NOL4L: variants seen among roughly 807,000 people sequenced by gnomAD.
NOL4L encodes nucleolar protein 4 like.
Under a neutral mutation model 64.5 loss-of-function variants are expected in NOL4L, and 7 were observed. That is an observed-to-expected ratio of 0.11 (90% CI 0.06 to 0.20). The LOEUF is 0.20. Among genes scored for constraint, NOL4L ranks in the 10% least tolerant of loss-of-function variants. The pLI, the probability that NOL4L is intolerant of heterozygous loss-of-function variation, is 1.00. For missense variants in NOL4L, 680 were observed against 967.1 expected (o/e 0.70, Z 3.94); for synonymous variants, 413 against 401.0 (o/e 1.03, Z -0.36).
chr20:32,501,854 C>T (rs1243885360), intron 4 of NOL4L, among the ~76,000 whole-genome samples: 1 of 151,994 alleles, frequency 6.6e-6, no homozygotes, highest in Non-Finnish European at 1.5e-5. Context: ...AGAGAGAGAG[C>T]TACGGATGGG....
chr20:32,479,976 G>C (rs543742225), intron 4 of NOL4L, among the ~76,000 whole-genome samples: 1 of 152,292 alleles, frequency 6.6e-6, no homozygotes, highest in Admixed American at 6.5e-5. Flanking sequence ...TTCCTCTTCT[G>C]CATGGTAACT....
rs2014396878 is a variant in NOL4L at position 32,464,739 on chromosome 20, T to C, written c.842-8344A>G. 3 of 321,676 alleles carry C rather than the reference T, an allele frequency of 9.3e-6. No homozygotes were observed. Among genetic ancestry groups the C allele is most frequent in the Non-Finnish European group, 1.7e-5 (3 of 177,956 alleles). 19.9% of individuals were successfully genotyped at this position (321,676 alleles called of 1,614,324 possible). A position where few individuals can be genotyped will look rare whatever the true frequency, so the allele number is the denominator to read the frequency against. On this transcript the variant is annotated intron_variant, in intron 5 of 10. Transcript: ENST00000621426. This position sits in a 1 kb window ranked among gnomAD's most constrained non-coding sequence, Gnocchi z 5.6. Reference sequence around the variant, plus strand: ...AGCCGCATGAGGGATTTGAGTGCCCTAGTACCCACATTTTAAAAAGTAATA... The same window carrying C: ...AGCCGCATGAGGGATTTGAGTGCCCCAGTACCCACATTTTAAAAAGTAATA...
At chr20:32,552,645 C>G (rs1252367235) in intron 1 of NOL4L, among the ~76,000 whole-genome samples, 4 of 151,728 alleles carry the variant, frequency 2.6e-5, no homozygotes, top group Admixed American at 1.3e-4. Flanking sequence ...CAAGATCATG[C>G]CACTGCACTC....
intron 5 of NOL4L, among the ~76,000 whole-genome samples, chr20:32,458,957 C>G (rs898080134): frequency 6.6e-6 from 1 of 152,234 alleles, no homozygotes; most frequent in Non-Finnish European, 1.5e-5. Context: ...GTCAGATGCC[C>G]GGCACGGGGG....
chr20:32,456,800 C>T (rs2145437807), intron 5 of NOL4L, among the ~76,000 whole-genome samples: 1 of 152,348 alleles, frequency 6.6e-6, no homozygotes, highest in South Asian at 2.1e-4. Context: ...GCACCTCCCA[C>T]CCACCCTGCT....
At position 32,583,097 on chromosome 20, in the gene NOL4L, C is replaced by A. The variant is rs950415160; in HGVS notation, c.321+1473G>T. Among the ~76,000 whole-genome samples the A allele has an allele frequency of 2.6e-4, 39 of 152,218 alleles. 1 individual carries two copies. Among genetic ancestry groups the A allele is most frequent in the Admixed American group, 2.5e-3 (39 of 15,304 alleles). ...CGCCCCTCTGCCCGGCCCCCTGTTCCCGGTCCGGCCGGAGGCGGCAGCGGC... is the reference window on the plus strand; with the variant it reads ...CGCCCCTCTGCCCGGCCCCCTGTTCACGGTCCGGCCGGAGGCGGCAGCGGC... On this transcript the variant is annotated intron_variant, in intron 1 of 10. Coordinates refer to ENST00000621426, the MANE Select transcript of NOL4L (RefSeq NM_001256798.2).
intron 1 of NOL4L, among the ~76,000 whole-genome samples, chr20:32,559,497 T>G (rs1327343597): frequency 1.3e-5 from 2 of 152,236 alleles, no homozygotes; most frequent in African/African-American, 4.8e-5. Flanking sequence ...TGCCCAGAGT[T>G]ACTGGGAGCT....
intron 4 of NOL4L, among the ~76,000 whole-genome samples, chr20:32,491,505 A>T (rs946944335): frequency 3.9e-5 from 6 of 152,196 alleles, no homozygotes; most frequent in Non-Finnish European, 7.3e-5. Flanking sequence ...GAACTGGGCC[A>T]TTCGCTCTGA....
At chr20:32,552,202 AC>A (rs2145605746) in intron 1 of NOL4L, among the ~76,000 whole-genome samples, 1 of 152,328 alleles carries the variant, frequency 6.6e-6, no homozygotes, top group African/African-American at 2.4e-5. Flanking sequence ...TTTGTGTAAA[AC>A]TAGAAACAAA....
At chr20:32,456,747 C>G (rs1053298453) in intron 5 of NOL4L, among the ~76,000 whole-genome samples, 2 of 152,204 alleles carry the variant, frequency 1.3e-5, no homozygotes, top group African/African-American at 2.4e-5. Context: ...TGGAGGCCCT[C>G]GAAGCCCGGC....
intron 1 of NOL4L, among the ~76,000 whole-genome samples, chr20:32,528,633 A>C (rs2018230574): frequency 6.6e-6 from 1 of 151,986 alleles, no homozygotes; most frequent in South Asian, 2.1e-4. Flanking sequence ...CTTCAATAGC[A>C]AACAGCTGTG....
In NOL4L at chr20:32,452,957, A is replaced by C; in HGVS notation, c.1547T>G (p.Leu516Arg). The C allele has an allele frequency of 1.2e-6, 2 of 1,614,036 alleles. No individual in the cohort carries two copies. Among genetic ancestry groups the C allele is most frequent in the Non-Finnish European group, 1.7e-6 (2 of 1,180,020 alleles). ...TGTCTCGCTCTCACAGGCAGCTGCC[A>C]GGATGTTTTCTGCCATGGCCGAGGT... Reference protein sequence around the residue: ...HLTSAMAENILAAACESETRK... With the variant: ...HLTSAMAENIRAAACESETRK... Residue 516 changes from leucine (L) to arginine (R), a missense_variant, in exon 9 of 11, where the codon CTG (leucine) becomes CGG (arginine). Leu to Arg is a moderately radical substitution (Grantham distance 102). This residue lies in a region of NOL4L where 175 missense variants were observed against 227.0 expected (regional missense o/e 0.77). Coordinates refer to ENST00000621426, the MANE Select transcript of NOL4L (RefSeq NM_001256798.2).
At position 32,494,273 on chromosome 20, in the gene NOL4L, AAAAAAAAAAC is replaced by A. The variant is rs1435448929; in HGVS notation, c.699+17064_699+17073del. Among the ~76,000 whole-genome samples, 714 of 143,302 alleles carry A rather than the reference AAAAAAAAAAC, an allele frequency of 5.0e-3. 92 individuals are homozygous for A. The highest frequency in any genetic ancestry group is 0.037 in the Admixed American group (518 of 13,880). The allele number at this position is 143,302 out of a possible 152,430, so 94.0% of individuals were successfully genotyped here. On this transcript the variant is annotated intron_variant, in intron 4 of 10. Coordinates refer to ENST00000621426, the MANE Select transcript of NOL4L (RefSeq NM_001256798.2). ...CTCGGGAAAAAAAAAAAAAAAAAAA[AAAAAAAAAAC>A]ACACAACACACACACACACACAAAC...
rs763548078 is a variant in NOL4L, at chr20:32,453,639, A to ATGGTCATCG, written c.1233_1241dup (p.Asp412_His414dup). ...AGTCGTTCATCTTGTCATTGTCCTC[A>ATGGTCATCG]TGGTCATCGTGGTCATCGTCGTCAT... is the stretch of plus-strand genomic sequence containing the variant. On this transcript the variant is annotated inframe_insertion, in exon 7 of 11. Coordinates refer to ENST00000621426, the MANE Select transcript of NOL4L (RefSeq NM_001256798.2). This position sits in a 1 kb window ranked among gnomAD's most constrained non-coding sequence, Gnocchi z 5.6. The ATGGTCATCG allele has an allele frequency of 1.2e-6, 2 of 1,608,436 alleles. No homozygotes were observed. Among genetic ancestry groups the ATGGTCATCG allele is most frequent in the Non-Finnish European group, 1.7e-6 (2 of 1,177,558 alleles).
intron 5 of NOL4L, among the ~76,000 whole-genome samples, chr20:32,474,046 T>C (rs1190551944): frequency 6.6e-6 from 1 of 151,894 alleles, no homozygotes; most frequent in African/African-American, 2.4e-5. Flanking sequence ...GAGGCTGGAG[T>C]AGGCTGCCTG....
rs1389511738 is a variant in NOL4L, at chr20:32,462,915, A to AAAAAAAAAAAAAAAC, written c.842-6521_842-6520insGTTTTTTTTTTTTTT. On this transcript the variant is annotated intron_variant, in intron 5 of 10. Transcript: ENST00000621426. ...CGAGACTCTGTCTTAAAAAAAAAAA[A>AAAAAAAAAAAAAAAC]AAAAAAAACTGATTTAAAAGAGACA... Among the ~76,000 whole-genome samples, 263 of 150,440 alleles carry AAAAAAAAAAAAAAAC rather than the reference A, an allele frequency of 1.7e-3. 6 individuals are homozygous for AAAAAAAAAAAAAAAC. Among genetic ancestry groups the AAAAAAAAAAAAAAAC allele is most frequent in the Non-Finnish European group, 3.1e-3 (211 of 67,524 alleles).
chr20:32,532,759 C>T (rs2018389418), intron 1 of NOL4L, among the ~76,000 whole-genome samples: 1 of 152,180 alleles, frequency 6.6e-6, no homozygotes, highest in African/African-American at 2.4e-5. Context: ...AGTCTCCTGC[C>T]TATCCCAGCT....
At position 32,535,274 on chromosome 20, in the gene NOL4L, G is replaced by GAA. The variant is rs34876681; in HGVS notation, c.322-7363_322-7362dup. 9.0e-3 allele frequency among the ~76,000 whole-genome samples: 1,109 copies of GAA among 123,456 alleles called. 7 individuals are homozygous for GAA. The highest frequency in any genetic ancestry group is 0.016 in the Non-Finnish European group (891 of 55,848). The allele number at this position is 123,456 out of a possible 152,430, so 81.0% of individuals were successfully genotyped here. On this transcript the variant is annotated intron_variant, in intron 1 of 10. Coordinates refer to ENST00000621426, the MANE Select transcript of NOL4L (RefSeq NM_001256798.2). ...TACTACCTACTGGGGACTGGAAATTGAAAAAAAAAAAAAAACCCTCCAAAA... is the reference window on the plus strand; with the variant it reads ...TACTACCTACTGGGGACTGGAAATTGAAAAAAAAAAAAAAAAACCCTCCAAAA...
chr20:32,510,705 G>C (rs1041783559), intron 4 of NOL4L: 4 of 154,184 alleles, frequency 2.6e-5, no homozygotes, highest in African/African-American at 7.2e-5. Flanking sequence ...GCAGTGGTTG[G>C]GGGGTGGAGG....
Sources: allele counts gnomAD v4.1 joint callset (sites outside exome capture counted in the v4.1 genomes callset), GRCh38; gene constraint gnomAD v4.1.1; regional missense constraint gnomAD v4.1.1; non-coding constraint Gnocchi (gnomAD v3.1); transcripts MANE v1.5; gene names NCBI Gene and HGNC (gene_info 2026-07-23, HGNC 2026-07-21).